The following DNAH10 variants were observed in gnomAD, a reference collection of about 807,000 sequenced individuals.
DNAH10 encodes the protein dynein axonemal heavy chain 10.
A neutral mutation model predicts 506.6 loss-of-function variants in DNAH10; 348 were observed. The observed-to-expected ratio is 0.69, with a 90% CI of 0.63 to 0.75. The LOEUF (loss-of-function observed/expected upper bound fraction) is 0.75, where lower values mean the gene tolerates loss of function less well. DNAH10 is among the 30% of genes least tolerant of loss of function. The probability of loss-of-function intolerance (pLI) is 0.00; values close to 1 mark genes in which losing one functional copy is unlikely to be tolerated. For synonymous variants in DNAH10, 2,059 were observed against 2,198.6 expected, an observed-to-expected ratio of 0.94 and a Z score of 1.78; for missense variants, 5,179 against 5,787.1, an observed-to-expected ratio of 0.89 and a Z score of 3.41.
intron 59 of DNAH10, 95 bp downstream of exon 59, chr12:123,910,767 G>T: frequency 6.8e-7 from 1 of 1,478,380 alleles, no homozygotes; most frequent in South Asian, 1.4e-5. Context: ...AACTTCTCCC[G>T]AGGTTCTGAC....
At chr12:123,767,498 G>T in intron 1 of DNAH10, 108 bp from the exon 2 acceptor site, 17 of 1,023,732 alleles carry the variant, frequency 1.7e-5, no homozygotes, top group Non-Finnish European at 2.5e-5. Context: ...CGAGTCTCCT[G>T]TGGGCCACAT....
chr12:123,774,502 G>A (rs1957368530), intron 5 of DNAH10, among the ~76,000 whole-genome samples: 1 of 152,200 alleles, frequency 6.6e-6, no homozygotes, highest in Non-Finnish European at 1.5e-5. Flanking sequence ...AGCCTTCAGA[G>A]CTGAGAGCCG....
chr12:123,798,061 C>T (rs1467231941), intron 13 of DNAH10, among the ~76,000 whole-genome samples: 1 of 152,148 alleles, frequency 6.6e-6, no homozygotes, highest in Non-Finnish European at 1.5e-5. Context: ...AGTTACAAAG[C>T]ATTATTATTC....
At chr12:123,799,105 CA>C (rs138331705) in intron 13 of DNAH10, 140 bp from the exon 14 acceptor site, 44,743 of 287,656 alleles carry the variant, frequency 0.16, 32 homozygotes, top group Middle Eastern at 0.17. Flanking sequence ...ACTCCGTCTC[CA>C]AAAAAAAAAA....
At chr12:123,774,399 C>T (rs1957364248) in intron 5 of DNAH10, 135 bp downstream of exon 5, 3 of 600,746 alleles carry the variant, frequency 5.0e-6, no homozygotes, top group South Asian at 4.8e-5. Flanking sequence ...GAGACCAGCT[C>T]GGTTGGGGAG....
intron 25 of DNAH10, 93 bp from the exon 26 acceptor site, chr12:123,830,452 CA>C (rs1416768974): frequency 1.5e-6 from 2 of 1,367,090 alleles, no homozygotes; most frequent in Non-Finnish European, 2.0e-6. Flanking sequence ...AAGAAGTTTA[CA>C]AAATGAGATT....
At position 123,918,777 on chromosome 12, in the gene DNAH10, C is replaced by T. The variant is rs375810548; in HGVS notation, c.11334C>T (p.Phe3778=). 4.1e-5 allele frequency: 66 copies of T among 1,613,178 alleles called. No individual in the cohort carries two copies. Among genetic ancestry groups the T allele is most frequent in the African/African-American group, 2.8e-4 (21 of 75,062 alleles). Residue 3778 remains phenylalanine, a synonymous_variant, in exon 65 of 79, where the codon TTC becomes TTT. Transcript: ENST00000673944. ...PAARRGAILF[F]VLSEMALVNS... ...CCAGGAGGGGGGCCATCCTGTTCTT[C>T]GTCCTGTCTGAGATGGCCCTGGTGA... is the stretch of plus-strand genomic sequence containing the variant.
chr12:123,824,387 G>A lies in DNAH10; in HGVS notation c.4180-2300G>A, dbSNP rs536090198. 2.6e-5 allele frequency among the ~76,000 whole-genome samples: 4 copies of A among 152,254 alleles called. No individual in the cohort carries two copies. The East Asian group carries it at 7.7e-4, about 29-fold the overall frequency. ...TGGTGATGTTGAGGAAGCAGCACTTGGATGTATTTGTCTGGAGCTCAGAGG... is the reference window on the plus strand; with the variant it reads ...TGGTGATGTTGAGGAAGCAGCACTTAGATGTATTTGTCTGGAGCTCAGAGG... On this transcript the variant is annotated intron_variant, in intron 24 of 78. Coordinates refer to ENST00000673944, the MANE Select transcript of DNAH10 (RefSeq NM_001372106.1).
chr12:123,845,516 A>C, intron 30 of DNAH10, 84 bp from the exon 31 acceptor site: 1 of 1,536,330 alleles, frequency 6.5e-7, no homozygotes, highest in East Asian at 2.3e-5. Flanking sequence ...ATTCCAGATC[A>C]AAGAAATAAA....
Position 123,872,750 on chromosome 12 carries a change from G to T in DNAH10, c.7786-808G>T, listed in dbSNP as rs1167377226. 2.0e-5 allele frequency among the ~76,000 whole-genome samples: 3 copies of T among 152,106 alleles called. 1 individual carries two copies. Among genetic ancestry groups the T allele is most frequent in the Admixed American group, 2.0e-4 (3 of 15,278 alleles). ...CACTTGAGGCTGGTAATTCAAGGCTGCAGTGAGCTATGATTGTGCACCACT... is the reference window on the plus strand; with the variant it reads ...CACTTGAGGCTGGTAATTCAAGGCTTCAGTGAGCTATGATTGTGCACCACT... On this transcript the variant is annotated intron_variant, in intron 45 of 78. Coordinates refer to ENST00000673944, the MANE Select transcript of DNAH10 (RefSeq NM_001372106.1).
In DNAH10 at chr12:123,873,571, T is replaced by C; in HGVS notation, c.7799T>C (p.Val2600Ala). ...LSEETNIVLM[V>A]NFSSRTTSMD... is the part of the protein sequence containing the mutation. ...TTTCTGCTTCAGATTGTGTTAATGG[T>C]CAACTTCTCCTCCCGCACCACGTCC... The change falls in exon 46 of 79, where the codon GTC becomes GCC. Residue 2600 changes from valine (V) to alanine (A), a missense_variant. By Grantham distance (64) the Val-to-Ala change is moderately conservative (BLOSUM62 0). Around this residue, in one of 3 missense-constraint regions of DNAH10, gnomAD observed 4,844 missense variants for 5,430.5 expected, o/e 0.89. Transcript: ENST00000673944. The C allele has an allele frequency of 6.2e-7, 1 of 1,612,150 alleles. No homozygotes were observed. Among genetic ancestry groups the C allele is most frequent in the Non-Finnish European group, 8.5e-7 (1 of 1,179,196 alleles).
intron 18 of DNAH10, among the ~76,000 whole-genome samples, chr12:123,806,554 C>G (rs953388568): frequency 2.0e-5 from 3 of 152,148 alleles, no homozygotes; most frequent in Non-Finnish European, 2.9e-5. Flanking sequence ...TGCTAAAAAT[C>G]TCTTTTGGAA....
intron 4 of DNAH10, among the ~76,000 whole-genome samples, chr12:123,773,817 C>T (rs898290878): frequency 1.3e-5 from 2 of 152,188 alleles, no homozygotes; most frequent in Admixed American, 1.3e-4. Context: ...TCATTCAGTC[C>T]ATAGCAGCAA....
At chr12:123,788,596 C>T (rs990674991) in intron 10 of DNAH10, among the ~76,000 whole-genome samples, 2 of 152,104 alleles carry the variant, frequency 1.3e-5, no homozygotes, top group African/African-American at 4.8e-5. Context: ...GGAGGTGATG[C>T]CCTGTGCTCA....
intron 1 of DNAH10, among the ~76,000 whole-genome samples, chr12:123,765,676 C>G (rs1330022655): frequency 6.6e-6 from 1 of 151,266 alleles, no homozygotes; most frequent in African/African-American, 2.4e-5. Context: ...TCTCTATTAT[C>G]TATCTACCAA....
intron 59 of DNAH10, 82 bp downstream of exon 59, chr12:123,910,754 A>C: frequency 6.6e-7 from 1 of 1,520,578 alleles, no homozygotes; most frequent in Non-Finnish European, 8.8e-7. Context: ...ACCTTTGCTG[A>C]AAAACTTCTC....
intron 1 of DNAH10, among the ~76,000 whole-genome samples, chr12:123,765,660 T>G (rs1224205868): frequency 6.6e-6 from 1 of 152,064 alleles, no homozygotes; most frequent in African/African-American, 2.4e-5. Context: ...CCTATACATC[T>G]ATCTCTCTCT....
intron 46 of DNAH10, 142 bp from the exon 47 acceptor site, chr12:123,875,089 T>G: frequency 2.2e-6 from 2 of 916,152 alleles, no homozygotes; most frequent in Non-Finnish European, 3.2e-6. Context: ...TTGCAACCTT[T>G]GAGAAGCCCC....
intron 11 of DNAH10, among the ~76,000 whole-genome samples, chr12:123,790,666 CAG>C (rs1326729380): frequency 2.6e-5 from 4 of 152,014 alleles, no homozygotes; most frequent in Admixed American, 1.3e-4. Context: ...GCAGAGCAAA[CAG>C]AGGGGTTTGG....
Sources: allele counts gnomAD v4.1 joint callset (sites outside exome capture counted in the v4.1 genomes callset), GRCh38; gene constraint gnomAD v4.1.1; regional missense constraint gnomAD v4.1.1; transcripts MANE v1.5; gene names NCBI Gene and HGNC (gene_info 2026-07-23, HGNC 2026-07-21).